Variants in SBK1 observed in about 807,000 individuals in gnomAD.
SBK1 encodes the protein serine/threonine-protein kinase SBK1.
Under a neutral mutation model 24.4 loss-of-function variants are expected in SBK1, and 11 were observed. That is an observed-to-expected ratio of 0.45 (90% CI 0.28 to 0.75). The LOEUF (loss-of-function observed/expected upper bound fraction) is 0.75. Ranked by LOEUF, SBK1 falls within the 30% of genes least tolerant of loss-of-function variation. The pLI, the probability that SBK1 is intolerant of heterozygous loss-of-function variation, is 0.12. For missense variants in SBK1, 467 were observed against 620.5 expected (o/e 0.75, Z 2.63); for synonymous variants, 308 against 284.4 (o/e 1.08, Z -0.83).
upstream of SBK1, among the ~76,000 whole-genome samples, chr16:28,289,786 AAAAC>A (rs1290477644): frequency 1.3e-5 from 2 of 151,074 alleles, no homozygotes; most frequent in Admixed American, 6.6e-5. Context: ...AAAAAAAACA[AAAAC>A]AAACAGATGT....
chr16:28,319,705 C>T lies in SBK1; in HGVS notation c.430-371C>T, dbSNP rs146310354. Among the ~76,000 whole-genome samples the T allele has an allele frequency of 2.8e-4, 43 of 152,206 alleles. No individual in the cohort carries two copies. The highest frequency in any genetic ancestry group is 3.8e-4 in the Non-Finnish European group (26 of 68,000). ...TGCACGGACACAGCAGGGAACAGGA[C>T]GGGAAGCTCAGGGAGCCCCGTTCTA... On this transcript the variant is annotated intron_variant, in intron 3 of 3. Coordinates refer to ENST00000341901, the MANE Select transcript of SBK1 (RefSeq NM_001024401.3). The surrounding 1 kb of genome is among the most constrained non-coding windows in gnomAD (Gnocchi z 4.0).
In SBK1 at chr16:28,321,018, C is replaced by G. The variant is rs149067135; in HGVS notation, c.*97C>G. 14,692 of 1,134,354 alleles carry G rather than the reference C, an allele frequency of 0.013. 172 individuals are homozygous for G. Among genetic ancestry groups the G allele is most frequent in the African/African-American group, 0.044 (2,613 of 59,218 alleles). 70.3% of individuals were successfully genotyped at this position (1,134,354 alleles called of 1,614,324 possible). ...GGAATGGAGCCACCTCGCCGCGGGG[C>G]AGGGGGCGCAGCGGTAGACTAGGCA... On this transcript the variant is annotated 3_prime_UTR_variant, in exon 4 of 4. Coordinates refer to ENST00000341901, the MANE Select transcript of SBK1 (RefSeq NM_001024401.3).
At chr16:28,280,169 G>GTGTGTGTGTGTGTGTGTGTGTGTGTA (rs71140962) in intron 1 of SBK1, among the ~76,000 whole-genome samples, 1 of 118,886 alleles carries the variant, frequency 8.4e-6, no homozygotes, top group Non-Finnish European at 1.8e-5. Flanking sequence ...GTGTGTGTGT[G>GTGTGTGTGTGTGTGTGTGTGTGTGTA]TGTATGTATA....
At chr16:28,291,189 G>T (rs553316838), upstream of SBK1, 1 of 152,188 alleles carries the variant, frequency 6.6e-6, no homozygotes, top group East Asian at 1.9e-4. Context: ...AAAAAATGAT[G>T]AGTTCATGTC....
In SBK1 at chr16:28,321,149, C is replaced by T. The variant is rs141080225; in HGVS notation, c.*228C>T. 2.9e-6 allele frequency: 1 copy of T among 347,378 alleles called. No individual in the cohort carries two copies. The allele number at this position is 347,378 out of a possible 1,614,324, so 21.5% of individuals were successfully genotyped here. The stretch of plus-strand genomic sequence containing the variant: ...GGGGCTTGGCCCAGAGGAGCCAAGC[C>T]GCACAGACCCGAGAATTCGGAGGCC... On this transcript the variant is annotated 3_prime_UTR_variant, in exon 4 of 4. Transcript: ENST00000341901.
At chr16:28,315,986 G>A (rs1040863263) in intron 1 of SBK1, among the ~76,000 whole-genome samples, 4 of 152,044 alleles carry the variant, frequency 2.6e-5, no homozygotes, top group Admixed American at 6.6e-5. Flanking sequence ...GTCTGGTCTC[G>A]AACTCCTGAC....
At chr16:28,279,832 C>A (rs917798239) in intron 1 of SBK1, among the ~76,000 whole-genome samples, 1 of 151,970 alleles carries the variant, frequency 6.6e-6, no homozygotes, top group East Asian at 1.9e-4. Context: ...CATGGGGAGG[C>A]GGCCGGCTTC....
At position 28,317,257 on chromosome 16, in the gene SBK1, T is replaced by G; in HGVS notation, c.-7-128T>G. 1 of 679,082 alleles carries G rather than the reference T, an allele frequency of 1.5e-6. No individual in the cohort carries two copies. Among genetic ancestry groups the G allele is most frequent in the Admixed American group, 2.5e-5 (1 of 39,354 alleles). 42.1% of individuals were successfully genotyped at this position (679,082 alleles called of 1,614,324 possible). ...GCGACCAAGATGCTTGTCGCCCCCT[T>G]GTGGTTATCTTGGGCCTGGCATCCG... On this transcript the variant is annotated intron_variant, in intron 1 of 3. Coordinates refer to ENST00000341901, the MANE Select transcript of SBK1 (RefSeq NM_001024401.3). The surrounding 1 kb of genome is among the most constrained non-coding windows in gnomAD (Gnocchi z 4.2).
upstream of SBK1, among the ~76,000 whole-genome samples, chr16:28,290,085 CA>C (rs34970334): frequency 0.14 from 14,702 of 102,482 alleles, 1,190 homozygotes; most frequent in African/African-American, 0.31. Context: ...GACCCTGTCT[CA>C]AAAAAAAAAA....
intron 1 of SBK1, among the ~76,000 whole-genome samples, chr16:28,260,976 G>A (rs910604013): frequency 3.9e-5 from 6 of 152,268 alleles, no homozygotes; most frequent in Admixed American, 1.3e-4. Context: ...AGTGGGAACG[G>A]CAAGAGGGAA....
At position 28,320,601 on chromosome 16, in the gene SBK1, T is replaced by G; in HGVS notation, c.955T>G (p.Ser319Ala). The change falls in exon 4 of 4, where the codon TCC (serine) becomes GCC (alanine). Residue 319 changes from serine (S) to alanine (A), a missense_variant. This residue lies in a region of SBK1 where 86 missense variants were observed against 121.7 expected (regional missense o/e 0.71). Coordinates refer to ENST00000341901, the MANE Select transcript of SBK1 (RefSeq NM_001024401.3). The surrounding 1 kb of genome is among the most constrained non-coding windows in gnomAD (Gnocchi z 8.5). ...VFRFLKHELTSELRRRPSHRA... is the reference protein window; with the variant it reads ...VFRFLKHELTAELRRRPSHRA... ...CCGCTTCCTCAAGCACGAGCTCACG[T>G]CCGAGCTGCGCCGCCGGCCCTCGCA... 6.9e-7 allele frequency: 1 copy of G among 1,455,144 alleles called. No homozygotes were observed. Among genetic ancestry groups the G allele is most frequent in the Non-Finnish European group, 9.0e-7 (1 of 1,108,290 alleles). 90.1% of individuals were successfully genotyped at this position (1,455,144 alleles called of 1,614,324 possible). A position where few individuals can be genotyped will look rare whatever the true frequency, so the allele number is the denominator to read the frequency against.
rs1444218204 is a variant in SBK1 at position 28,279,566 on chromosome 16, A to G, written c.257+20064A>G. ...TTCTGTCACGGGCACAGGTTCAACT[A>G]CTTTCACCTCGAAAACTGTCAGTGC... is the stretch of plus-strand genomic sequence containing the variant. On this transcript the variant is annotated intron_variant, in intron 1 of 3. Coordinates refer to the SBK1 transcript ENST00000671413. Among the ~76,000 whole-genome samples the G allele has an allele frequency of 2.6e-5, 4 of 152,266 alleles. 1 individual carries two copies. The East Asian group carries it at 7.7e-4, about 29-fold the overall frequency.
intron 1 of SBK1, among the ~76,000 whole-genome samples, chr16:28,279,965 G>A (rs945729397): frequency 2.0e-5 from 3 of 151,206 alleles, no homozygotes; most frequent in Non-Finnish European, 4.4e-5. Context: ...CCAGAGTCAG[G>A]GGCTCAATTG....
chr16:28,319,225 G>A lies in SBK1; in HGVS notation c.429+28G>A. On this transcript the variant is annotated intron_variant, in intron 3 of 3. Coordinates refer to ENST00000341901, the MANE Select transcript of SBK1 (RefSeq NM_001024401.3). The surrounding 1 kb of genome is among the most constrained non-coding windows in gnomAD (Gnocchi z 4.0). ...ACTCGGGATGGTGGCATAGGGTGGG[G>A]AAAGGGTCTTCAGGGTCCCAGAGTG... is the stretch of plus-strand genomic sequence containing the variant. 1 of 1,583,712 alleles carries A rather than the reference G, an allele frequency of 6.3e-7. No homozygotes were observed. Among genetic ancestry groups the A allele is most frequent in the East Asian group, 2.2e-5 (1 of 44,730 alleles).
intron 1 of SBK1, among the ~76,000 whole-genome samples, chr16:28,316,285 C>T (rs1276143375): frequency 6.6e-6 from 1 of 152,132 alleles, no homozygotes; most frequent in Non-Finnish European, 1.5e-5. Flanking sequence ...ACCTCTTCCC[C>T]ACCCCCTACC....
chr16:28,298,148 G>A (rs1596548265), intron 1 of SBK1, among the ~76,000 whole-genome samples: 2 of 152,182 alleles, frequency 1.3e-5, no homozygotes, highest in East Asian at 3.9e-4. Flanking sequence ...GTCTCAGGAA[G>A]GGGTGGCAGC....
intron 1 of SBK1, among the ~76,000 whole-genome samples, chr16:28,306,378 A>T (rs1169627056): frequency 6.6e-6 from 1 of 152,212 alleles, no homozygotes; most frequent in Non-Finnish European, 1.5e-5. Flanking sequence ...ACTCTTGAAC[A>T]TTTGTTTCAT....
chr16:28,281,698 G>A (rs1224259832), intron 1 of SBK1, among the ~76,000 whole-genome samples: 3 of 152,284 alleles, frequency 2.0e-5, no homozygotes, highest in East Asian at 3.9e-4. Flanking sequence ...CCACACCCTT[G>A]GGGTGGTAGC....
In SBK1 at chr16:28,280,350, A is replaced by AATATATAT. The variant is rs535039780; in HGVS notation, c.257+20857_257+20864dup. Among the ~76,000 whole-genome samples the AATATATAT allele has an allele frequency of 9.2e-4, 129 of 139,494 alleles. 1 individual carries two copies. Among genetic ancestry groups the AATATATAT allele is most frequent in the African/African-American group, 3.1e-3 (120 of 38,152 alleles). 91.5% of individuals were successfully genotyped at this position (139,494 alleles called of 152,430 possible). The stretch of plus-strand genomic sequence containing the variant: ...CGTACATATGTATATATATATATAA[A>AATATATAT]ATATATATATATATATTTGTTTGTT... On this transcript the variant is annotated intron_variant, in intron 1 of 3. Transcript: ENST00000671413.
Sources: allele counts gnomAD v4.1 joint callset (sites outside exome capture counted in the v4.1 genomes callset), GRCh38; gene constraint gnomAD v4.1.1; regional missense constraint gnomAD v4.1.1; non-coding constraint Gnocchi (gnomAD v3.1); transcripts MANE v1.5; gene names NCBI Gene and HGNC (gene_info 2026-07-23, HGNC 2026-07-21).